Variants in PCID2 observed in about 807,000 individuals in gnomAD.
PCID2 encodes PCI domain-containing protein 2.
Under a neutral mutation model 61.3 loss-of-function variants are expected in PCID2, and 41 were observed. The observed-to-expected ratio is 0.67, with a 90% CI of 0.52 to 0.87. PCID2 has a LOEUF of 0.87. Ranked by LOEUF, PCID2 falls within the 40% of genes least tolerant of loss-of-function variation. The probability of loss-of-function intolerance (pLI) is 0.00; values close to 1 mark genes in which losing one functional copy is unlikely to be tolerated. For synonymous variants in PCID2, 187 were observed against 177.8 expected, an observed-to-expected ratio of 1.05 and a Z score of -0.41; for missense variants, 392 against 493.4, an observed-to-expected ratio of 0.79 and a Z score of 1.95.
Position 113,179,099 on chromosome 13 carries a change from G to A in PCID2, c.987-10C>T, listed in dbSNP as rs2037380391. The A allele has an allele frequency of 6.2e-7, 1 of 1,611,888 alleles. No individual in the cohort carries two copies. Among genetic ancestry groups the A allele is most frequent in the Non-Finnish European group, 8.5e-7 (1 of 1,178,870 alleles). Reference sequence around the variant, plus strand: ...TTTCAGTAACAAATACCTGGAAGAGGGGAGGAGAAGGGCACTGTGGTTACC... The same window carrying A: ...TTTCAGTAACAAATACCTGGAAGAGAGGAGGAGAAGGGCACTGTGGTTACC... On this transcript the variant is annotated splice_polypyrimidine_tract_variant and intron_variant, in intron 12 of 13. Transcript: ENST00000337344. The surrounding 1 kb of genome is among the most constrained non-coding windows in gnomAD (Gnocchi z 4.3).
chr13:113,179,148 CA>C lies in PCID2; in HGVS notation c.987-60del. 1 of 1,489,716 alleles carries C rather than the reference CA, an allele frequency of 6.7e-7. No individual in the cohort carries two copies. Among genetic ancestry groups the C allele is most frequent in the Non-Finnish European group, 9.1e-7 (1 of 1,096,690 alleles). The allele number at this position is 1,489,716 out of a possible 1,614,324, so 92.3% of individuals were successfully genotyped here. On this transcript the variant is annotated intron_variant, in intron 12 of 13. Coordinates refer to ENST00000337344, the MANE Select transcript of PCID2 (RefSeq NM_001127202.4). The surrounding 1 kb of genome is among the most constrained non-coding windows in gnomAD (Gnocchi z 4.3). ...CCGACAGGATGCAATACTCCACAGCCAAGAAAAGGCACCTCTTAATAAGCCG... is the reference window on the plus strand; with the variant it reads ...CCGACAGGATGCAATACTCCACAGCCAGAAAAGGCACCTCTTAATAAGCCG...
intron 6 of PCID2, among the ~76,000 whole-genome samples, chr13:113,191,668 G>A (rs2138808391): frequency 6.6e-6 from 1 of 152,256 alleles, no homozygotes; most frequent in South Asian, 2.1e-4. Context: ...GGATGGCCTT[G>A]GTTAAAGAAG....
At chr13:113,180,095 C>T in intron 11 of PCID2, 53 bp from the exon 12 acceptor site, 1 of 1,613,596 alleles carries the variant, frequency 6.2e-7, no homozygotes, top group Non-Finnish European at 8.5e-7. Flanking sequence ...ACAGAGCGTG[C>T]ACGTCAACTC....
At chr13:113,171,750 CT>C in the PCID2 span, 2 of 1,611,644 alleles carry the variant, frequency 1.2e-6, no homozygotes, top group African/African-American at 2.7e-5. This position sits in a 1 kb window ranked among gnomAD's most constrained non-coding sequence, Gnocchi z 5.1. Flanking sequence ...GTGTGCACCC[CT>C]GAGAAAGACT....
At chr13:113,165,145 T>G in the PCID2 span, 1 of 1,598,148 alleles carries the variant, frequency 6.3e-7, no homozygotes, top group South Asian at 1.1e-5. Context: ...TCCGCGTGCT[T>G]CAATTTATTG....
chr13:113,202,340 CT>C (rs999929940), intron 1 of PCID2, among the ~76,000 whole-genome samples: 11 of 152,176 alleles, frequency 7.2e-5, no homozygotes, highest in African/African-American at 2.2e-4. Context: ...AATTTCCCCC[CT>C]GACTATTCCA....
Position 113,178,282 on chromosome 13 carries a change from G to C in PCID2, c.1116C>G (p.His372Gln). 1 of 1,612,622 alleles carries C rather than the reference G, an allele frequency of 6.2e-7. No homozygotes were observed. The highest frequency in any genetic ancestry group is 8.5e-7 in the Non-Finnish European group (1 of 1,178,836). The stretch of plus-strand genomic sequence containing the variant: ...GCTGATGCGATATGTAGCCTTTGAC[G>C]TGTCCCTGCGGGGCAGAAAGGGAGG... ...CILANLIYMG[H>Q]VKGYISHQHQ... Residue 372 changes from histidine (H) to glutamine (Q), a missense_variant, in exon 14 of 14, where the codon CAC becomes CAG. Physicochemically the swap from His to Gln is conservative, Grantham distance 24. Around this residue, in one of 3 missense-constraint regions of PCID2, gnomAD observed 226 missense variants for 296.5 expected, o/e 0.76. Transcript: ENST00000337344.
intron 6 of PCID2, among the ~76,000 whole-genome samples, chr13:113,191,531 CAT>C (rs1277837150): frequency 6.6e-6 from 1 of 152,212 alleles, no homozygotes; most frequent in Admixed American, 6.5e-5. Context: ...ACCTGCACTG[CAT>C]ATGTTACTAA....
chr13:113,174,942 A>T (rs2037165025), downstream of PCID2, among the ~76,000 whole-genome samples: 1 of 152,188 alleles, frequency 6.6e-6, no homozygotes. Flanking sequence ...TTGCGTCTCC[A>T]CCCAAATTCC....
chr13:113,173,809 A>G (rs1416190769), downstream of PCID2, among the ~76,000 whole-genome samples: 1 of 152,282 alleles, frequency 6.6e-6, no homozygotes, highest in East Asian at 1.9e-4. Flanking sequence ...AATGCCTACT[A>G]ATGATTTTAA....
chr13:113,196,023 A>C (rs953813597), intron 5 of PCID2, among the ~76,000 whole-genome samples, 158 bp downstream of exon 5: 1 of 152,178 alleles, frequency 6.6e-6, no homozygotes, highest in Admixed American at 6.5e-5. Context: ...TAGATTTGTG[A>C]CTCCACTCAT....
In PCID2 at chr13:113,179,896, A is replaced by G. The variant is rs375326584; in HGVS notation, c.986+21T>C. 8.1e-6 allele frequency: 13 copies of G among 1,604,886 alleles called. No individual in the cohort carries two copies. The highest frequency in any genetic ancestry group is 3.4e-5 in the Admixed American group (2 of 58,964). On this transcript the variant is annotated intron_variant, in intron 12 of 13. Transcript: ENST00000337344. This position sits in a 1 kb window ranked among gnomAD's most constrained non-coding sequence, Gnocchi z 4.3. The stretch of plus-strand genomic sequence containing the variant: ...TGCCGAGAGCCACACTGGGAGCCCA[A>G]TGTGCCGGGGAAATGCTTACACTTT...
At chr13:113,169,431 T>G in the PCID2 span, among the ~76,000 whole-genome samples, 1 of 152,250 alleles carries the variant, frequency 6.6e-6, no homozygotes, top group African/African-American at 2.4e-5. Context: ...TGGGATATTT[T>G]TCTTCTCATT....
intron 1 of PCID2, 148 bp from the exon 2 acceptor site, chr13:113,200,664 C>A: frequency 5.7e-6 from 3 of 523,882 alleles, no homozygotes; most frequent in Non-Finnish European, 1.0e-5. Flanking sequence ...AACAGATGGT[C>A]ACTACTCTCT....
the PCID2 span, among the ~76,000 whole-genome samples, chr13:113,167,352 C>G: frequency 6.6e-6 from 1 of 152,186 alleles, no homozygotes; most frequent in Non-Finnish European, 1.5e-5. Flanking sequence ...ATGAAGAGTT[C>G]CAGGAACGAC....
At position 113,195,098 on chromosome 13, in the gene PCID2, C is replaced by A. The variant is rs1476634281; in HGVS notation, c.336G>T (p.Ala112=). ...NWALPVMYAV[A]LDLRVFANNA... ...TATTGGCAAACACTCGAAGGTCAAG[C>A]GCTACTGCATACATGACAGGCAGAG... Residue 112 remains alanine, a synonymous_variant, in exon 6 of 14, where the codon GCG becomes GCT. Transcript: ENST00000337344. The A allele has an allele frequency of 1.9e-6, 3 of 1,611,238 alleles. No homozygotes were observed. The highest frequency in any genetic ancestry group is 4.5e-5 in the East Asian group (2 of 44,864).
the PCID2 span, chr13:113,165,095 CGGATCTACA>C: frequency 6.2e-7 from 1 of 1,612,464 alleles, no homozygotes; most frequent in South Asian, 1.1e-5. Context: ...AAGCGTGCAC[CGGATCTACA>C]GGACCTCCCG....
At position 113,179,962 on chromosome 13, in the gene PCID2, A is replaced by G. The variant is rs2037473590; in HGVS notation, c.941T>C (p.Leu314Pro). 2 of 1,613,952 alleles carry G rather than the reference A, an allele frequency of 1.2e-6. No individual in the cohort carries two copies. ...FFIRCGIFLI[L>P]EKLKIITYRN... ...GTAGGTGATGATCTTCAGCTTCTCC[A>G]GGATGAGGAAGATTCCGCAGCGAAT... The change falls in exon 12 of 14, where the codon CTG (leucine) becomes CCG (proline). Residue 314 changes from leucine (L) to proline (P), a missense_variant. By Grantham distance (98) the Leu-to-Pro change is moderately conservative (BLOSUM62 -3). Transcript: ENST00000337344. This position sits in a 1 kb window ranked among gnomAD's most constrained non-coding sequence, Gnocchi z 4.3.
downstream of PCID2, among the ~76,000 whole-genome samples, chr13:113,173,115 G>A (rs2037143449): frequency 1.3e-5 from 2 of 152,102 alleles, no homozygotes; most frequent in African/African-American, 2.4e-5. Context: ...CAAATCTGCC[G>A]GCACCCAGAT....
Sources: gnomAD v4.1 joint callset for allele counts (sites outside exome capture counted in the v4.1 genomes callset) on GRCh38, gnomAD v4.1.1 for gene constraint, gnomAD v4.1.1 regional missense constraint, Gnocchi (gnomAD v3.1) non-coding constraint, MANE v1.5 for transcripts, NCBI Gene and HGNC (gene_info 2026-07-23, HGNC 2026-07-21) for gene names.